The following HHAT variants were observed in gnomAD, a reference collection of about 807,000 sequenced individuals.
HHAT encodes hedgehog acyltransferase, also known as protein-cysteine N-palmitoyltransferase HHAT.
In HHAT, 47 loss-of-function variants were observed where a neutral mutation model predicts 70.8. The ratio of observed to expected loss-of-function variants is 0.66; its 90% CI spans 0.53 to 0.85. The LOEUF is 0.85. Among genes scored for constraint, HHAT ranks in the 40% least tolerant of loss-of-function variants. The pLI is 0.00. For missense variants in HHAT, 609 were observed against 604.8 expected (o/e 1.01, Z -0.07); for synonymous variants, 228 against 247.6 (o/e 0.92, Z 0.74).
intron 8 of HHAT, among the ~76,000 whole-genome samples, chr1:210,496,389 CAGTATCAGATCAAAAGTAAG>C (rs1178365978): frequency 1.3e-5 from 2 of 152,138 alleles, no homozygotes; most frequent in Admixed American, 6.5e-5. Flanking sequence ...ACAGAAGATG[CAGTATCAGATCAAAAGTAAG>C]AGTATCAGAT....
intron 4 of HHAT, among the ~76,000 whole-genome samples, chr1:210,392,092 C>T (rs2091496767): frequency 6.6e-6 from 1 of 152,176 alleles, no homozygotes; most frequent in Non-Finnish European, 1.5e-5. Flanking sequence ...TGGTCTTAAA[C>T]TCTTGGCCTC....
At chr1:210,580,399 G>T (rs538895670) in intron 9 of HHAT, among the ~76,000 whole-genome samples, 1 of 150,338 alleles carries the variant, frequency 6.7e-6, no homozygotes, top group Non-Finnish European at 1.5e-5. Flanking sequence ...GGGGGGATAC[G>T]TGTACAGAAC....
At chr1:210,329,290 CCGCG>C (rs2084774245) in intron 1 of HHAT, 186 bp downstream of exon 1, 1 of 1,226,338 alleles carries the variant, frequency 8.2e-7, no homozygotes, top group African/African-American at 1.6e-5. Flanking sequence ...GCGGCGGGGG[CCGCG>C]CGCGCAGTGC....
intron 11 of HHAT, among the ~76,000 whole-genome samples, chr1:210,667,092 T>C (rs1272009981): frequency 4.3e-5 from 5 of 115,848 alleles, no homozygotes; most frequent in African/African-American, 1.6e-4. Flanking sequence ...AAAAAAAAAA[T>C]GAATTCTGGT....
At chr1:210,448,434 A>C (rs547581159) in intron 7 of HHAT, among the ~76,000 whole-genome samples, 1 of 152,196 alleles carries the variant, frequency 6.6e-6, no homozygotes, top group Non-Finnish European at 1.5e-5. Flanking sequence ...ATGAGGGTTT[A>C]TCAGTCTTAG....
chr1:210,634,578 G>A (rs955139822), intron 11 of HHAT, among the ~76,000 whole-genome samples: 8 of 152,144 alleles, frequency 5.3e-5, no homozygotes, highest in African/African-American at 1.4e-4. Context: ...GTGGAGCTGC[G>A]CTTTTTCTCA....
intron 8 of HHAT, among the ~76,000 whole-genome samples, chr1:210,501,738 G>C (rs1381056819): frequency 3.3e-5 from 5 of 152,148 alleles, no homozygotes; most frequent in Admixed American, 1.3e-4. Flanking sequence ...GCTGAAAAGG[G>C]AATCTGGAAA....
intron 9 of HHAT, among the ~76,000 whole-genome samples, chr1:210,566,862 C>G (rs948939383): frequency 6.6e-6 from 1 of 152,320 alleles, no homozygotes; most frequent in African/African-American, 2.4e-5. Flanking sequence ...CACACTGGCC[C>G]CCTGCCCTTG....
chr1:210,439,089 A>G (rs1350068467), intron 7 of HHAT, among the ~76,000 whole-genome samples: 1 of 151,904 alleles, frequency 6.6e-6, no homozygotes, highest in East Asian at 1.9e-4. Flanking sequence ...CTATTACTTA[A>G]GGGGTTTGGT....
intron 7 of HHAT, among the ~76,000 whole-genome samples, chr1:210,425,680 A>G (rs755978503): frequency 1.3e-5 from 2 of 151,762 alleles, no homozygotes; most frequent in African/African-American, 2.4e-5. Context: ...TGGGTTCTCT[A>G]TTCTGTTTTG....
intron 3 of HHAT, among the ~76,000 whole-genome samples, chr1:210,385,627 G>C (rs2090987653): frequency 6.6e-6 from 1 of 152,198 alleles, no homozygotes; most frequent in Admixed American, 6.5e-5. Context: ...AGGATCTGGG[G>C]TGTGGGGAGC....
intron 7 of HHAT, among the ~76,000 whole-genome samples, chr1:210,457,837 A>G (rs1266623071): frequency 2.0e-5 from 3 of 152,164 alleles, no homozygotes; most frequent in Non-Finnish European, 4.4e-5. Flanking sequence ...AACAAGGTTC[A>G]CTGGACATGC....
At chr1:210,658,163 A>G (rs1197491886) in intron 11 of HHAT, among the ~76,000 whole-genome samples, 1 of 152,122 alleles carries the variant, frequency 6.6e-6, no homozygotes, top group Non-Finnish European at 1.5e-5. Context: ...CCATCAAAGG[A>G]GGAATCTCCT....
intron 7 of HHAT, among the ~76,000 whole-genome samples, chr1:210,446,612 C>T (rs913292896): frequency 6.6e-6 from 1 of 152,208 alleles, no homozygotes; most frequent in African/African-American, 2.4e-5. Context: ...TTGCCCCGGC[C>T]TCTGTGCTCC....
intron 7 of HHAT, among the ~76,000 whole-genome samples, chr1:210,437,541 G>C (rs1025616949): frequency 9.9e-5 from 15 of 151,872 alleles, no homozygotes; most frequent in African/African-American, 3.2e-4. Context: ...GTTAATCTTG[G>C]TGAGAGGCTG....
intron 1 of HHAT, among the ~76,000 whole-genome samples, chr1:210,333,016 C>T (rs759114880): frequency 7.2e-5 from 11 of 152,140 alleles, no homozygotes; most frequent in Non-Finnish European, 1.6e-4. Flanking sequence ...ACAGGCACAC[C>T]TGGAAGTGGT....
At chr1:210,668,320 G>A (rs1396666426) in intron 11 of HHAT, among the ~76,000 whole-genome samples, 1 of 152,108 alleles carries the variant, frequency 6.6e-6, no homozygotes, top group African/African-American at 2.4e-5. Flanking sequence ...GGATATTGGT[G>A]TGGTTTGGCT....
chr1:210,330,613 G>C (rs2084903182), intron 1 of HHAT, among the ~76,000 whole-genome samples: 1 of 152,138 alleles, frequency 6.6e-6, no homozygotes, highest in South Asian at 2.1e-4. Context: ...GTTGGTGGGA[G>C]CTCTGTAGGT....
intron 9 of HHAT, among the ~76,000 whole-genome samples, chr1:210,533,600 A>T (rs969734036): frequency 6.6e-5 from 10 of 152,168 alleles, no homozygotes; most frequent in African/African-American, 2.4e-4. Context: ...CCTATCCTTG[A>T]TGCATCTTGC....
Sources: allele counts gnomAD v4.1 joint callset (sites outside exome capture counted in the v4.1 genomes callset), GRCh38; gene constraint gnomAD v4.1.1; transcripts MANE v1.5; gene names NCBI Gene and HGNC (gene_info 2026-07-23, HGNC 2026-07-21).